CCDC191: variants seen among roughly 807,000 people sequenced by gnomAD.
The protein encoded by CCDC191 is coiled-coil domain containing 191, also known as coiled-coil domain-containing protein 191.
CCDC191 carries 99 observed loss-of-function variants against 114.0 expected under a neutral mutation model. The ratio of observed to expected loss-of-function variants is 0.87; its 90% CI spans 0.74 to 1.03. CCDC191 has a LOEUF of 1.03. Ranked by LOEUF, CCDC191 falls within the 50% of genes least tolerant of loss-of-function variation. The pLI is 0.00. For missense variants in CCDC191, 973 were observed against 1,087.0 expected, an observed-to-expected ratio of 0.90 and a Z score of 1.47; for synonymous variants, 351 against 376.0, an observed-to-expected ratio of 0.93 and a Z score of 0.77.
intron 2 of CCDC191, 115 bp from the exon 3 acceptor site, chr3:114,046,847 T>C (rs2076637161): frequency 7.2e-6 from 10 of 1,396,766 alleles, no homozygotes; most frequent in Non-Finnish European, 9.3e-6. Flanking sequence ...TTCGTTCATT[T>C]TTCCATTTTT....
chr3:113,974,651 A>G (rs561295913), intron 16 of CCDC191, among the ~76,000 whole-genome samples: 6 of 152,294 alleles, frequency 3.9e-5, no homozygotes, highest in South Asian at 2.1e-4. Flanking sequence ...ATATATGTCT[A>G]TGCCTTTGCA....
At chr3:113,987,845 C>A (rs2107628473) in intron 13 of CCDC191, among the ~76,000 whole-genome samples, 1 of 151,916 alleles carries the variant, frequency 6.6e-6, no homozygotes, top group South Asian at 2.1e-4. Context: ...AATTTGAGAC[C>A]AGCCTGGTCA....
chr3:114,037,548 CATTT>C (rs769249344), intron 4 of CCDC191, among the ~76,000 whole-genome samples: 43 of 152,082 alleles, frequency 2.8e-4, no homozygotes, highest in Non-Finnish European at 4.9e-4. Flanking sequence ...TTTATTCATT[CATTT>C]GTTGATAGAC....
At chr3:114,006,587 GATATATATATATAT>G (rs67264886) in intron 9 of CCDC191, among the ~76,000 whole-genome samples, 1 of 82,620 alleles carries the variant, frequency 1.2e-5, no homozygotes, top group East Asian at 3.8e-4. Context: ...GGTTACTCCA[GATATATATATATAT>G]ATATATATAT....
chr3:113,988,444 T>C (rs2075442129), intron 13 of CCDC191, among the ~76,000 whole-genome samples: 1 of 151,838 alleles, frequency 6.6e-6, no homozygotes, highest in African/African-American at 2.4e-5. Flanking sequence ...CTGACCAGCA[T>C]GGCAAAACCT....
In CCDC191 at chr3:114,056,470, C is replaced by T. The variant is rs1308962940; in HGVS notation, c.-4G>A. The T allele has an allele frequency of 1.2e-6, 2 of 1,614,184 alleles. No individual in the cohort carries two copies. The highest frequency in any genetic ancestry group is 3.3e-5 in the Admixed American group (2 of 60,024). ...TTCCCTGAGGCGCCAGGAGCATTTT[C>T]CAAGTTCGAGCCCGAACCTCGGCCA... On this transcript the variant is annotated 5_prime_UTR_variant, in exon 1 of 17. Transcript: ENST00000295878.
chr3:113,978,050 G>A (rs951750900), intron 16 of CCDC191, 136 bp downstream of exon 16: 2 of 876,274 alleles, frequency 2.3e-6, no homozygotes, highest in African/African-American at 3.3e-5. Context: ...GGTGAGCCGG[G>A]ACTCCCACCC....
In CCDC191 at chr3:114,056,472, A is replaced by G. The variant is rs2076785318; in HGVS notation, c.-6T>C. ...CCCTGAGGCGCCAGGAGCATTTTCCAAGTTCGAGCCCGAACCTCGGCCAAA... is the reference window on the plus strand; with the variant it reads ...CCCTGAGGCGCCAGGAGCATTTTCCGAGTTCGAGCCCGAACCTCGGCCAAA... On this transcript the variant is annotated 5_prime_UTR_variant, in exon 1 of 17. Coordinates refer to ENST00000295878, the MANE Select transcript of CCDC191 (RefSeq NM_020817.2). 2 of 1,614,060 alleles carry G rather than the reference A, an allele frequency of 1.2e-6. No individual in the cohort carries two copies. Among genetic ancestry groups the G allele is most frequent in the Non-Finnish European group, 1.7e-6 (2 of 1,180,008 alleles).
rs912994601 is a variant in CCDC191 at position 113,997,708 on chromosome 3, A to G, written c.2163+3887T>C. 2.6e-5 allele frequency among the ~76,000 whole-genome samples: 4 copies of G among 152,234 alleles called. No homozygotes were observed. The East Asian group carries it at 7.7e-4, about 29-fold the overall frequency. On this transcript the variant is annotated intron_variant, in intron 13 of 16. Coordinates refer to ENST00000295878, the MANE Select transcript of CCDC191 (RefSeq NM_020817.2). ...CACAGTATTTTTAATAACCCAAAGTATAAAATACATATACAGTCATATGCT... is the reference window on the plus strand; with the variant it reads ...CACAGTATTTTTAATAACCCAAAGTGTAAAATACATATACAGTCATATGCT...
At chr3:113,995,337 G>A (rs1375311871) in intron 13 of CCDC191, among the ~76,000 whole-genome samples, 4 of 152,154 alleles carry the variant, frequency 2.6e-5, no homozygotes, top group Admixed American at 6.5e-5. Flanking sequence ...GGGGTATACA[G>A]AGGAAGTTGT....
In CCDC191 at chr3:114,009,011, T is replaced by C. The variant is rs534605930; in HGVS notation, c.1413+1761A>G. Among the ~76,000 whole-genome samples, 5 of 152,268 alleles carry C rather than the reference T, an allele frequency of 3.3e-5. No individual in the cohort carries two copies. The South Asian group carries it at 1.0e-3, about 32-fold the overall frequency. The stretch of plus-strand genomic sequence containing the variant: ...CAGGGCAGGATGTTACTATACGGAA[T>C]ACTGTAGGCAACTGTAACACATGGG... On this transcript the variant is annotated intron_variant, in intron 9 of 16. Coordinates refer to ENST00000295878, the MANE Select transcript of CCDC191 (RefSeq NM_020817.2).
In CCDC191 at chr3:114,056,284, G is replaced by A. The variant is rs938022490; in HGVS notation, c.90+93C>T. 8.4e-6 allele frequency: 10 copies of A among 1,192,308 alleles called. No homozygotes were observed. The Admixed American group carries it at 8.7e-5, about 10-fold the overall frequency. 73.9% of individuals were successfully genotyped at this position (1,192,308 alleles called of 1,614,324 possible). ...CAGGGGCGTGTCAGCTCAGGATGAAGAGGCAGGAAGCACAGACGGGCCGCG... is the reference window on the plus strand; with the variant it reads ...CAGGGGCGTGTCAGCTCAGGATGAAAAGGCAGGAAGCACAGACGGGCCGCG... On this transcript the variant is annotated intron_variant, in intron 1 of 16. Coordinates refer to ENST00000295878, the MANE Select transcript of CCDC191 (RefSeq NM_020817.2).
At chr3:113,972,500 C>T (rs1288027091) in intron 16 of CCDC191, among the ~76,000 whole-genome samples, 1 of 152,030 alleles carries the variant, frequency 6.6e-6, no homozygotes, top group African/African-American at 2.4e-5. Context: ...AAGATATGGT[C>T]TTATTATGGA....
In CCDC191 at chr3:113,988,306, C is replaced by A. The variant is rs1473078899; in HGVS notation, c.2164-7513G>T. Among the ~76,000 whole-genome samples the A allele has an allele frequency of 3.3e-5, 5 of 151,802 alleles. No homozygotes were observed. In the East Asian group the frequency reaches 9.8e-4, roughly 30 times the overall value. ...GTCAGGAGTTTGAGACCAGCCTGGT[C>A]AAGATGGTGAAACCCCATCTCTACT... On this transcript the variant is annotated intron_variant, in intron 13 of 16. Transcript: ENST00000295878.
chr3:113,975,838 A>G (rs1021321398), intron 16 of CCDC191, among the ~76,000 whole-genome samples: 5 of 152,214 alleles, frequency 3.3e-5, no homozygotes, highest in Admixed American at 1.3e-4. Context: ...AAGAGATGAA[A>G]TCACAGCAAT....
chr3:113,965,475 G>A, intron 16 of CCDC191, 116 bp from the exon 17 acceptor site: 1 of 552,660 alleles, frequency 1.8e-6, no homozygotes, highest in Non-Finnish European at 3.1e-6. Context: ...CTGTATAAAA[G>A]GTGTGGAAAT....
chr3:114,025,746 C>T (rs898431412), intron 7 of CCDC191, among the ~76,000 whole-genome samples: 32 of 152,108 alleles, frequency 2.1e-4, no homozygotes, highest in African/African-American at 7.0e-4. Context: ...TTCTCTTTGC[C>T]TTCTTTCTTC....
intron 14 of CCDC191, among the ~76,000 whole-genome samples, chr3:113,979,733 T>C (rs2075073287): frequency 1.3e-5 from 2 of 152,214 alleles, no homozygotes; most frequent in South Asian, 4.1e-4. Flanking sequence ...TTGGCAGTCA[T>C]ATTTATTGGC....
At chr3:113,972,102 T>G (rs1559868474) in intron 16 of CCDC191, among the ~76,000 whole-genome samples, 1 of 152,090 alleles carries the variant, frequency 6.6e-6, no homozygotes, top group Non-Finnish European at 1.5e-5. Context: ...ATTATTTCCT[T>G]TCTTCTAATA....
Sources: allele counts gnomAD v4.1 joint callset (sites outside exome capture counted in the v4.1 genomes callset), GRCh38; gene constraint gnomAD v4.1.1; transcripts MANE v1.5; gene names NCBI Gene and HGNC (gene_info 2026-07-23, HGNC 2026-07-21).